The following CALN1 variants were observed in gnomAD, a reference collection of about 807,000 sequenced individuals.
CALN1 encodes calcium-binding protein 8.
In CALN1, 17 loss-of-function variants were observed where a neutral mutation model predicts 30.6. That is an observed-to-expected ratio of 0.56 (90% CI 0.38 to 0.83). The LOEUF is 0.83. CALN1 is among the 40% of genes least tolerant of loss of function. The probability of loss-of-function intolerance (pLI) is 0.00; values close to 1 mark genes in which losing one functional copy is unlikely to be tolerated. For missense variants in CALN1, 291 were observed against 354.9 expected (o/e 0.82, Z 1.45); for synonymous variants, 156 against 131.4 (o/e 1.19, Z -1.28).
At position 71,810,327 on chromosome 7, in the gene CALN1, G is replaced by T; in HGVS notation, c.658+9C>A. ...GGACCGGGGAGGGGATGGCAGCAGG[G>T]GCACCTACCTCCTTCAAACTCTGTT... On this transcript the variant is annotated intron_variant, in intron 6 of 6. Coordinates refer to ENST00000395275, the MANE Select transcript of CALN1 (RefSeq NM_031468.4). 2 of 1,612,928 alleles carry T rather than the reference G, an allele frequency of 1.2e-6. No individual in the cohort carries two copies. Among genetic ancestry groups the T allele is most frequent in the Non-Finnish European group, 1.7e-6 (2 of 1,179,446 alleles).
At chr7:71,795,781 C>A (rs1473169562) in intron 6 of CALN1, among the ~76,000 whole-genome samples, 1 of 150,564 alleles carries the variant, frequency 6.6e-6, no homozygotes, top group Non-Finnish European at 1.5e-5. Flanking sequence ...CAAGGTTCCT[C>A]CAGCTGTATG....
chr7:72,123,222 A>C (rs566233247), intron 3 of CALN1, among the ~76,000 whole-genome samples: 2 of 152,338 alleles, frequency 1.3e-5, no homozygotes, highest in African/African-American at 2.4e-5. Flanking sequence ...CAGGGTCCAA[A>C]GACTTCTAGC....
intron 2 of CALN1, among the ~76,000 whole-genome samples, chr7:72,337,988 G>A (rs1463224666): frequency 1.3e-5 from 2 of 152,216 alleles, no homozygotes; most frequent in Non-Finnish European, 2.9e-5. Flanking sequence ...GGCAACGCAT[G>A]TGCTTGGAGT....
At chr7:72,326,966 T>C (rs1018758277) in intron 2 of CALN1, among the ~76,000 whole-genome samples, 4 of 152,218 alleles carry the variant, frequency 2.6e-5, no homozygotes, top group Admixed American at 1.3e-4. Flanking sequence ...AAACACATAT[T>C]CATTCTTTTC....
intron 5 of CALN1, among the ~76,000 whole-genome samples, chr7:71,851,571 C>T (rs898606275): frequency 6.6e-6 from 1 of 151,534 alleles, no homozygotes; most frequent in South Asian, 2.1e-4. Context: ...TATACACACA[C>T]ATATATATAT....
intron 3 of CALN1, among the ~76,000 whole-genome samples, chr7:72,248,221 TCTC>T (rs1471090383): frequency 2.0e-5 from 3 of 152,044 alleles, no homozygotes; most frequent in African/African-American, 7.2e-5. Context: ...TTCAAGCAAT[TCTC>T]CTGCCTCAGC....
intron 5 of CALN1, among the ~76,000 whole-genome samples, chr7:71,963,224 G>A (rs1227695819): frequency 4.6e-5 from 7 of 152,078 alleles, no homozygotes; most frequent in Non-Finnish European, 8.8e-5. Flanking sequence ...GTGCGGCGGC[G>A]CGATCTCGGC....
intron 3 of CALN1, among the ~76,000 whole-genome samples, chr7:72,230,403 AG>A (rs1306086565): frequency 6.8e-6 from 1 of 147,732 alleles, no homozygotes; most frequent in Non-Finnish European, 1.5e-5. Flanking sequence ...CCTACTTGGG[AG>A]GCTGAAGTGG....
At chr7:72,401,361 G>A (rs886606722) in intron 2 of CALN1, among the ~76,000 whole-genome samples, 7 of 151,992 alleles carry the variant, frequency 4.6e-5, no homozygotes, top group African/African-American at 1.7e-4. Flanking sequence ...TCCCTCCTCT[G>A]GCCCCACCCG....
intron 4 of CALN1, among the ~76,000 whole-genome samples, chr7:72,063,925 C>A (rs1171235171): frequency 6.6e-6 from 1 of 152,154 alleles, no homozygotes; most frequent in Non-Finnish European, 1.5e-5. Context: ...ACTCAACCTG[C>A]ATAGCTTTTA....
At chr7:72,130,679 G>A (rs1809079551) in intron 3 of CALN1, among the ~76,000 whole-genome samples, 1 of 152,142 alleles carries the variant, frequency 6.6e-6, no homozygotes. Flanking sequence ...GGAGGGACAG[G>A]TGTTATGAGG....
chr7:72,126,464 A>G (rs1302918955), intron 3 of CALN1, among the ~76,000 whole-genome samples: 4 of 152,056 alleles, frequency 2.6e-5, no homozygotes, highest in African/African-American at 7.2e-5. Context: ...TTCTCATACA[A>G]TGACTTCTTT....
At chr7:72,309,622 C>G (rs926834975) in intron 2 of CALN1, among the ~76,000 whole-genome samples, 1 of 152,062 alleles carries the variant, frequency 6.6e-6, no homozygotes, top group African/African-American at 2.4e-5. Flanking sequence ...GCTGATGAAT[C>G]AGAAGTGGCA....
intron 5 of CALN1, among the ~76,000 whole-genome samples, chr7:71,846,024 G>C (rs1478148180): frequency 2.0e-5 from 3 of 152,138 alleles, no homozygotes; most frequent in African/African-American, 7.2e-5. Context: ...CTGCACTCTA[G>C]CCTGGGGGAC....
rs1807234383 is a variant in CALN1, at chr7:72,412,294, A to C, written c.-310T>G. 6.6e-6 allele frequency: 1 copy of C among 152,098 alleles called. No individual in the cohort carries two copies. The highest frequency in any genetic ancestry group is 2.4e-5 in the African/African-American group (1 of 41,398). The allele number at this position is 152,098 out of a possible 1,614,324, so 9.4% of individuals were successfully genotyped here. On this transcript the variant is annotated 5_prime_UTR_variant, in exon 1 of 7. Transcript: ENST00000395275. ...CAGTAAGCTTTATTAAGAAGCAGGA[A>C]AGAAAAAAACACAAACTCAAGCGGA...
intron 5 of CALN1, among the ~76,000 whole-genome samples, chr7:71,839,137 G>A (rs185986618): frequency 3.9e-5 from 6 of 152,206 alleles, no homozygotes; most frequent in Admixed American, 6.5e-5. Context: ...GAGAGAGAGA[G>A]AGAAAGGGAG....
chr7:71,805,903 A>T (rs1787580045), intron 6 of CALN1, among the ~76,000 whole-genome samples: 1 of 152,204 alleles, frequency 6.6e-6, no homozygotes. Flanking sequence ...CATACTATGC[A>T]GCCATAAAAA....
At chr7:72,078,293 A>T (rs1804885853) in intron 4 of CALN1, among the ~76,000 whole-genome samples, 1 of 151,992 alleles carries the variant, frequency 6.6e-6, no homozygotes, top group Non-Finnish European at 1.5e-5. Flanking sequence ...GATTAACCAA[A>T]AACACATACG....
intron 1 of CALN1, among the ~76,000 whole-genome samples, chr7:72,404,137 T>A (rs1449390798): frequency 6.6e-6 from 1 of 152,166 alleles, no homozygotes; most frequent in East Asian, 1.9e-4. Context: ...AGGTGTCACC[T>A]CTTCTGAAAA....
Sources: allele counts gnomAD v4.1 joint callset (sites outside exome capture counted in the v4.1 genomes callset), GRCh38; gene constraint gnomAD v4.1.1; transcripts MANE v1.5; gene names NCBI Gene and HGNC (gene_info 2026-07-23, HGNC 2026-07-21).